UBR3: variants seen among roughly 807,000 people sequenced by gnomAD.
UBR3 encodes the protein ubiquitin protein ligase E3 component n-recognin 3, also known as E3 ubiquitin-protein ligase UBR3.
In UBR3, 85 loss-of-function variants were observed where a neutral mutation model predicts 243.2. The ratio of observed to expected loss-of-function variants is 0.35; its 90% CI spans 0.29 to 0.42. The LOEUF (loss-of-function observed/expected upper bound fraction) is 0.42. UBR3 is among the 10% of genes least tolerant of loss of function. UBR3 has a pLI of 1.00. For synonymous variants in UBR3, 748 were observed against 799.8 expected (o/e 0.94, Z 1.09); for missense variants, 1,686 against 2,300.8 (o/e 0.73, Z 5.47).
chr2:169,900,259 A>G (rs1401372618), intron 8 of UBR3, among the ~76,000 whole-genome samples: 1 of 152,048 alleles, frequency 6.6e-6, no homozygotes, highest in African/African-American at 2.4e-5. Flanking sequence ...GATGATGAGC[A>G]TTTTTCATAT....
intron 31 of UBR3, among the ~76,000 whole-genome samples, chr2:170,032,899 A>C (rs2090717630): frequency 6.6e-6 from 1 of 151,986 alleles, no homozygotes; most frequent in Non-Finnish European, 1.5e-5. Flanking sequence ...GAGACTATGT[A>C]TGTATCTTGC....
Position 169,928,795 on chromosome 2 carries a change from A to G in UBR3, c.2493A>G (p.Ser831=). Residue 831 remains serine, a synonymous_variant, in exon 18 of 39, where the codon TCA becomes TCG. Transcript: ENST00000272793. The part of the protein sequence containing the change: ...PGSYSFESVL[S]AVADFKAPVF... ...GTTACAGCTTTGAATCAGTTTTATCAGCTGTAGCTGATTTTAAGGCTCCTG... is the reference window on the plus strand; with the variant it reads ...GTTACAGCTTTGAATCAGTTTTATCGGCTGTAGCTGATTTTAAGGCTCCTG... 1 of 1,516,074 alleles carries G rather than the reference A, an allele frequency of 6.6e-7. No individual in the cohort carries two copies. Among genetic ancestry groups the G allele is most frequent in the Non-Finnish European group, 8.9e-7 (1 of 1,121,850 alleles). The allele number at this position is 1,516,074 out of a possible 1,614,324, so 93.9% of individuals were successfully genotyped here. A position where few individuals can be genotyped will look rare whatever the true frequency, so the allele number is the denominator to read the frequency against.
chr2:169,850,660 C>T (rs1032462437), intron 1 of UBR3, among the ~76,000 whole-genome samples: 3 of 152,006 alleles, frequency 2.0e-5, no homozygotes, highest in Non-Finnish European at 2.9e-5. Flanking sequence ...CTGGCTAACA[C>T]GGTGAAACCC....
At chr2:169,866,272 GCAAA>G (rs1559037166) in intron 1 of UBR3, among the ~76,000 whole-genome samples, 4 of 97,042 alleles carry the variant, frequency 4.1e-5, no homozygotes, top group Admixed American at 2.1e-4. Context: ...AAAAAAAAAA[GCAAA>G]AAAAGCTTTT....
intron 1 of UBR3, among the ~76,000 whole-genome samples, chr2:169,853,924 G>A (rs1483890461): frequency 2.6e-5 from 4 of 151,926 alleles, no homozygotes; most frequent in African/African-American, 9.7e-5. Flanking sequence ...ACTTCCTTGG[G>A]CAAACCAAAC....
intron 25 of UBR3, among the ~76,000 whole-genome samples, chr2:169,989,680 A>G: frequency 6.6e-6 from 1 of 152,198 alleles, no homozygotes; most frequent in East Asian, 1.9e-4. Flanking sequence ...GGGTAGACAT[A>G]GTATTCTTTC....
intron 7 of UBR3, among the ~76,000 whole-genome samples, chr2:169,896,057 G>A (rs544223555): frequency 2.0e-5 from 3 of 152,282 alleles, no homozygotes; most frequent in Non-Finnish European, 4.4e-5. Flanking sequence ...AGCACTTTGG[G>A]AGGCTGAGGT....
intron 25 of UBR3, among the ~76,000 whole-genome samples, chr2:169,987,075 C>T (rs1031891353): frequency 2.0e-5 from 3 of 151,920 alleles, no homozygotes; most frequent in African/African-American, 7.3e-5. Flanking sequence ...CCAATAACTG[C>T]GTTCAGCTTT....
At chr2:170,061,527 G>T in intron 35 of UBR3, 84 bp downstream of exon 35, 1 of 1,529,390 alleles carries the variant, frequency 6.5e-7, no homozygotes, top group Non-Finnish European at 8.8e-7. Context: ...GAGTGCAGTG[G>T]CACAATCTCG....
chr2:170,082,014 ATTT>A lies in UBR3; in HGVS notation c.*181_*183del, dbSNP rs570016733. 8.4e-6 allele frequency: 3 copies of A among 355,212 alleles called. No individual in the cohort carries two copies. The highest frequency in any genetic ancestry group is 1.5e-5 in the Non-Finnish European group (3 of 196,262). 22.0% of individuals were successfully genotyped at this position (355,212 alleles called of 1,614,324 possible). A position where few individuals can be genotyped will look rare whatever the true frequency, so the allele number is the denominator to read the frequency against. On this transcript the variant is annotated 3_prime_UTR_variant, in exon 39 of 39. Transcript: ENST00000272793. ...GCTTGGTAATCACGTTAATGGTATA[ATTT>A]TTTTTTTTTAATATCTGGAGAACAT...
At chr2:169,980,628 T>A (rs78252839) in intron 24 of UBR3, among the ~76,000 whole-genome samples, 38 of 152,108 alleles carry the variant, frequency 2.5e-4, no homozygotes, top group Middle Eastern at 3.4e-3. Context: ...TTTTTTTTTT[T>A]AATTATACTT....
Position 170,081,941 on chromosome 2 carries a change from G to A in UBR3, c.*98G>A. The A allele has an allele frequency of 2.3e-6, 2 of 864,106 alleles. No individual in the cohort carries two copies. The highest frequency in any genetic ancestry group is 3.4e-6 in the Non-Finnish European group (2 of 596,792). The allele number at this position is 864,106 out of a possible 1,614,324, so 53.5% of individuals were successfully genotyped here. On this transcript the variant is annotated 3_prime_UTR_variant, in exon 39 of 39. Transcript: ENST00000272793. ...AATTTGGGGGATTAACACTTTTGCT[G>A]AGGGAGAAAAAGAAAACATACATTA... is the stretch of plus-strand genomic sequence containing the variant.
intron 8 of UBR3, among the ~76,000 whole-genome samples, chr2:169,898,669 C>CTT (rs561412467): frequency 0.042 from 5,318 of 128,070 alleles, 121 homozygotes; most frequent in Middle Eastern, 0.062. Context: ...ACTTCTTCAC[C>CTT]TTTTTTTTTT....
chr2:169,906,162 A>G lies in UBR3; in HGVS notation c.1777A>G (p.Arg593Gly), dbSNP rs778844288. Residue 593 changes from arginine to glycine, a missense_variant and splice_region_variant, in exon 10 of 39, where the codon AGG (arginine) becomes GGG (glycine). Arg to Gly is a moderately radical substitution (Grantham distance 125, BLOSUM62 -2). Around this residue, in one of 8 missense-constraint regions of UBR3, gnomAD observed 346 missense variants for 585.8 expected, o/e 0.59. Transcript: ENST00000272793. ...GGGGCTTTTATCACATTGTAAAGTT[A>G]GGGTATGTTGGAAATATTTTTGTTA... ...MWGLLSHCKV[R>G]ETQEYTRNVV... is the part of the protein sequence containing the mutation. 30 of 1,532,612 alleles carry G rather than the reference A, an allele frequency of 2.0e-5. No homozygotes were observed. In the East Asian group the frequency reaches 6.1e-4, roughly 31 times the overall value. 94.9% of individuals were successfully genotyped at this position (1,532,612 alleles called of 1,614,324 possible). A position where few individuals can be genotyped will look rare whatever the true frequency, so the allele number is the denominator to read the frequency against.
intron 37 of UBR3, 200 bp downstream of exon 37, chr2:170,080,223 A>G (rs1574491887): frequency 5.0e-6 from 3 of 603,530 alleles, no homozygotes; most frequent in Non-Finnish European, 5.6e-6. Flanking sequence ...TTCCTTAAGT[A>G]CAATTCTAGT....
intron 1 of UBR3, among the ~76,000 whole-genome samples, chr2:169,853,845 T>A (rs1287026279): frequency 6.6e-6 from 1 of 152,032 alleles, no homozygotes; most frequent in Non-Finnish European, 1.5e-5. Context: ...TATATGTGCA[T>A]ATGTATGTGG....
At chr2:169,975,405 A>C (rs550126675) in intron 24 of UBR3, among the ~76,000 whole-genome samples, 2 of 152,260 alleles carry the variant, frequency 1.3e-5, no homozygotes, top group African/African-American at 4.8e-5. Flanking sequence ...TCCATGTGCT[A>C]ATGAAAAGAA....
intron 35 of UBR3, among the ~76,000 whole-genome samples, chr2:170,069,625 T>C (rs371782811): frequency 6.6e-6 from 1 of 152,112 alleles, no homozygotes; most frequent in Admixed American, 6.6e-5. Flanking sequence ...CGTTCTACTC[T>C]GCTTCTACTT....
intron 1 of UBR3, among the ~76,000 whole-genome samples, chr2:169,870,675 A>T (rs1472813642): frequency 6.6e-6 from 1 of 150,918 alleles, no homozygotes; most frequent in Non-Finnish European, 1.5e-5. Context: ...TTTTTTTGAG[A>T]CAGACTGTCA....
Sources: gnomAD v4.1 joint callset for allele counts (sites outside exome capture counted in the v4.1 genomes callset) on GRCh38, gnomAD v4.1.1 for gene constraint, gnomAD v4.1.1 regional missense constraint, MANE v1.5 for transcripts, NCBI Gene and HGNC (gene_info 2026-07-23, HGNC 2026-07-21) for gene names.